The following DBF4 variants were observed in gnomAD, a reference collection of about 807,000 sequenced individuals.
DBF4 encodes the protein DBF4-CDC7 kinase regulatory subunit, also known as protein DBF4 homolog A.
DBF4 carries 25 observed loss-of-function variants against 76.6 expected under a neutral mutation model. The ratio of observed to expected loss-of-function variants is 0.33; its 90% CI spans 0.24 to 0.46. The LOEUF (loss-of-function observed/expected upper bound fraction) is 0.46, where lower values mean the gene tolerates loss of function less well. Among genes scored for constraint, DBF4 ranks in the 20% least tolerant of loss-of-function variants. The pLI, the probability that DBF4 is intolerant of heterozygous loss-of-function variation, is 1.00. For missense variants in DBF4, 638 were observed against 760.8 expected (o/e 0.84, Z 1.90); for synonymous variants, 213 against 258.0 (o/e 0.83, Z 1.67).
At chr7:87,898,059 T>A (rs1210386590) in intron 8 of DBF4, among the ~76,000 whole-genome samples, 1 of 152,230 alleles carries the variant, frequency 6.6e-6, no homozygotes, top group Admixed American at 6.5e-5. Context: ...ATTACAGGCG[T>A]GAGCCACTGT....
intron 3 of DBF4, among the ~76,000 whole-genome samples, chr7:87,885,869 A>G (rs1292066007): frequency 6.6e-6 from 1 of 152,214 alleles, no homozygotes; most frequent in African/African-American, 2.4e-5. Flanking sequence ...AGATGCAAGG[A>G]AAGACAAATT....
chr7:87,894,686 C>A (rs1839587519), intron 6 of DBF4, among the ~76,000 whole-genome samples: 2 of 152,160 alleles, frequency 1.3e-5, no homozygotes, highest in Admixed American at 6.5e-5. Context: ...GAAAAAGAAT[C>A]ATGAATTGAG....
At chr7:87,901,334 A>C (rs1351351274) in intron 10 of DBF4, among the ~76,000 whole-genome samples, 1 of 152,198 alleles carries the variant, frequency 6.6e-6, no homozygotes, top group African/African-American at 2.4e-5. Context: ...GGATATTGAG[A>C]TAAGTAAGTG....
At chr7:87,891,999 C>T (rs1562761241) in intron 6 of DBF4, among the ~76,000 whole-genome samples, 1 of 151,806 alleles carries the variant, frequency 6.6e-6, no homozygotes, top group African/African-American at 2.4e-5. Context: ...CCAGTAAAAT[C>T]GAATGAAAGG....
chr7:87,885,081 C>G lies in DBF4; in HGVS notation c.322C>G (p.Pro108Ala), dbSNP rs777015811. ...TLGRISPVPSPESAYTAETTS... is the reference protein window; with the variant it reads ...TLGRISPVPSAESAYTAETTS... ...GGGTCGAATTTCTCCTGTACCAAGT[C>G]CAGAATCTGCATATACTGCAGAAAC... Residue 108 changes from proline to alanine, a missense_variant, in exon 3 of 12, where the codon CCA becomes GCA. Physicochemically the swap from Pro to Ala is conservative, Grantham distance 27. Coordinates refer to ENST00000265728, the MANE Select transcript of DBF4 (RefSeq NM_006716.4). The G allele has an allele frequency of 3.1e-6, 5 of 1,613,780 alleles. No homozygotes were observed. In the East Asian group the frequency reaches 8.9e-5, roughly 29 times the overall value.
intron 8 of DBF4, among the ~76,000 whole-genome samples, chr7:87,900,015 A>T (rs1316213569): frequency 6.6e-6 from 1 of 152,124 alleles, no homozygotes; most frequent in East Asian, 1.9e-4. Flanking sequence ...TGGTTAAGGT[A>T]ATAAATTTTA....
At position 87,887,975 on chromosome 7, in the gene DBF4, T is replaced by TAATA. The variant is rs779187865; in HGVS notation, c.521-5_521-2dup. 6.5e-7 allele frequency: 1 copy of TAATA among 1,535,194 alleles called. No homozygotes were observed. Among genetic ancestry groups the TAATA allele is most frequent in the East Asian group, 2.3e-5 (1 of 42,572 alleles). ...GCTAATCTTAAAACCTTCTTTCTTT[T>TAATA]AATAAAGACATTAGATACTACATTG... On this transcript the variant is annotated splice_region_variant and splice_polypyrimidine_tract_variant and intron_variant, in intron 5 of 11. Transcript: ENST00000265728.
intron 11 of DBF4, among the ~76,000 whole-genome samples, chr7:87,906,393 T>C (rs901415114): frequency 2.6e-5 from 4 of 152,052 alleles, no homozygotes; most frequent in African/African-American, 9.6e-5. Flanking sequence ...AGTAAATGTA[T>C]GAACAAGATA....
At chr7:87,880,199 C>G (rs934481647) in intron 2 of DBF4, among the ~76,000 whole-genome samples, 2 of 152,156 alleles carry the variant, frequency 1.3e-5, no homozygotes, top group African/African-American at 4.8e-5. Flanking sequence ...AACTACTTGC[C>G]CCGTCACCTT....
chr7:87,886,337 C>G (rs1272184671), intron 3 of DBF4, among the ~76,000 whole-genome samples: 2 of 151,816 alleles, frequency 1.3e-5, no homozygotes, highest in African/African-American at 4.8e-5. Context: ...TCAAGACCAG[C>G]CTGGCCAACA....
At chr7:87,881,319 A>G (rs746557023) in intron 2 of DBF4, among the ~76,000 whole-genome samples, 2 of 152,312 alleles carry the variant, frequency 1.3e-5, no homozygotes, top group Non-Finnish European at 2.9e-5. Context: ...GAGGCAGGAG[A>G]ATCTCTTGAA....
intron 6 of DBF4, among the ~76,000 whole-genome samples, chr7:87,894,445 G>A (rs1049781355): frequency 6.6e-5 from 10 of 152,128 alleles, no homozygotes; most frequent in Admixed American, 6.5e-4. Context: ...GCAAGACCCT[G>A]TCTCGGGGAA....
At chr7:87,888,438 A>G (rs972882189) in intron 6 of DBF4, 1 of 595,336 alleles carries the variant, frequency 1.7e-6, no homozygotes, top group Non-Finnish European at 2.1e-6. Context: ...ATGGTATAAC[A>G]AAATCTCGTT....
chr7:87,907,786 C>G lies in DBF4; in HGVS notation c.1648C>G (p.Pro550Ala), dbSNP rs754605346. ...QEHLTVQAKA[P>A]FHTPPEEPNE... The stretch of plus-strand genomic sequence containing the variant: ...GCACCTAACTGTTCAGGCAAAGGCT[C>G]CATTCCATACTCCTCCTGAGGAACC... The change falls in exon 12 of 12, where the codon CCA becomes GCA. Residue 550 changes from proline to alanine, a missense_variant. By Grantham distance (27) the Pro-to-Ala change is conservative. Coordinates refer to ENST00000265728, the MANE Select transcript of DBF4 (RefSeq NM_006716.4). 3.1e-6 allele frequency: 5 copies of G among 1,613,878 alleles called. No homozygotes were observed. In the South Asian group the frequency reaches 4.4e-5, roughly 14 times the overall value.
At chr7:87,881,993 G>C (rs756048562) in intron 2 of DBF4, among the ~76,000 whole-genome samples, 11 of 152,198 alleles carry the variant, frequency 7.2e-5, no homozygotes, top group Non-Finnish European at 1.5e-4. Flanking sequence ...TTTGAGCTTA[G>C]GATATAGGTG....
Position 87,900,289 on chromosome 7 carries a change from G to C in DBF4, c.749G>C (p.Cys250Ser). The change falls in exon 9 of 12, where the codon TGC becomes TCC. Residue 250 changes from cysteine (C) to serine (S), a missense_variant. Coordinates refer to ENST00000265728, the MANE Select transcript of DBF4 (RefSeq NM_006716.4). ...ATAAATTATTCTATTCAGAAGCCCT[G>C]CAGTCCATTTGATGTAGACAAGCCA... ...PFINYSIQKPCSPFDVDKPSS... is the reference protein window; with the variant it reads ...PFINYSIQKPSSPFDVDKPSS... 6.2e-7 allele frequency: 1 copy of C among 1,604,010 alleles called. No homozygotes were observed. The highest frequency in any genetic ancestry group is 8.5e-7 in the Non-Finnish European group (1 of 1,177,080).
intron 3 of DBF4, 111 bp from the exon 4 acceptor site, chr7:87,886,733 G>A (rs1047723233): frequency 5.8e-6 from 4 of 684,634 alleles, no homozygotes; most frequent in Non-Finnish European, 1.0e-5. Context: ...ACCCAAAAAA[G>A]AGAAACTTTT....
intron 6 of DBF4, among the ~76,000 whole-genome samples, chr7:87,890,951 T>C (rs189403604): frequency 9.2e-5 from 14 of 152,298 alleles, no homozygotes; most frequent in Admixed American, 5.9e-4. Flanking sequence ...TTTTGGTATA[T>C]AAGAAAGGAA....
intron 8 of DBF4, among the ~76,000 whole-genome samples, chr7:87,899,274 A>G (rs982181246): frequency 6.6e-6 from 1 of 152,248 alleles, no homozygotes; most frequent in Non-Finnish European, 1.5e-5. Flanking sequence ...AAGGGATATA[A>G]CAGTAAAAAG....
Sources: allele counts gnomAD v4.1 joint callset (sites outside exome capture counted in the v4.1 genomes callset), GRCh38; gene constraint gnomAD v4.1.1; transcripts MANE v1.5; gene names NCBI Gene and HGNC (gene_info 2026-07-23, HGNC 2026-07-21).